CORO6: variants seen among roughly 807,000 people sequenced by gnomAD.
The protein encoded by CORO6 is coronin 6.
Under a neutral mutation model 49.0 loss-of-function variants are expected in CORO6, and 43 were observed. The ratio of observed to expected loss-of-function variants is 0.88; its 90% CI spans 0.69 to 1.13. The LOEUF is 1.13. Among genes scored for constraint, CORO6 ranks in the 50% most tolerant of loss-of-function variants. The pLI is 0.00. For missense variants in CORO6, 650 were observed against 647.0 expected (o/e 1.00, Z -0.05); for synonymous variants, 233 against 256.5 (o/e 0.91, Z 0.88).
In CORO6 at chr17:29,619,739, G is replaced by A. The variant is rs1346034731; in HGVS notation, c.233C>T (p.Thr78Ile). 11 of 1,613,120 alleles carry A rather than the reference G, an allele frequency of 6.8e-6. No individual in the cohort carries two copies. In the African/African-American group the frequency reaches 1.3e-4, roughly 20 times the overall value. The change falls in exon 3 of 11, where the codon ACT becomes ATT. Residue 78 changes from threonine (T) to isoleucine (I), a missense_variant. Transcript: ENST00000388767. ...GRVDKNYPLV[T>I]GHTAPVLDID... ...ATCCAGCACAGGGGCAGTGTGCCCA[G>A]TGACCAGTGGGTAGTTCTTATCCAC...
In CORO6 at chr17:29,616,176, C is replaced by T; in HGVS notation, c.1063-1G>A. The T allele has an allele frequency of 6.2e-7, 1 of 1,612,460 alleles. No homozygotes were observed. Among genetic ancestry groups the T allele is most frequent in the Non-Finnish European group, 8.5e-7 (1 of 1,179,028 alleles). ...ACAGATCGTCCTGGAAGAGGTCTGACTGCGGGGGTGGGTGGACAGGAGGAC... is the reference window on the plus strand; with the variant it reads ...ACAGATCGTCCTGGAAGAGGTCTGATTGCGGGGGTGGGTGGACAGGAGGAC... On this transcript the variant is annotated splice_acceptor_variant, in intron 9 of 10. Coordinates refer to ENST00000388767, the MANE Select transcript of CORO6 (RefSeq NM_032854.4). LOFTEE classifies it high-confidence loss of function. This position sits in a 1 kb window ranked among gnomAD's most constrained non-coding sequence, Gnocchi z 5.6.
chr17:29,616,554 G>T lies in CORO6; in HGVS notation c.1004+148C>A, dbSNP rs1317062681. On this transcript the variant is annotated intron_variant, in intron 8 of 10. Transcript: ENST00000388767. The surrounding 1 kb of genome is among the most constrained non-coding windows in gnomAD (Gnocchi z 5.6). ...AGTTGAGAATGTAAGGCTAGTGAGC[G>T]GTGGGTCTGGCACTGAAACAGAGCT... is the stretch of plus-strand genomic sequence containing the variant. 1.9e-6 allele frequency: 2 copies of T among 1,057,228 alleles called. No individual in the cohort carries two copies. The highest frequency in any genetic ancestry group is 2.8e-6 in the Non-Finnish European group (2 of 722,710). The allele number at this position is 1,057,228 out of a possible 1,614,324, so 65.5% of individuals were successfully genotyped here.
chr17:29,622,629 T>C, intron 1 of CORO6, 59 bp downstream of exon 1: 5 of 1,057,744 alleles, frequency 4.7e-6, no homozygotes, highest in Non-Finnish European at 6.0e-6. Context: ...CCTCTGCCCC[T>C]CAGGGACCCC....
chr17:29,619,067 G>A lies in CORO6; in HGVS notation c.444C>T (p.Leu148=), dbSNP rs1427104923. 6.8e-6 allele frequency: 11 copies of A among 1,613,358 alleles called. No homozygotes were observed. Among genetic ancestry groups the A allele is most frequent in the Non-Finnish European group, 9.3e-6 (11 of 1,179,818 alleles). The change falls in exon 4 of 11, where the codon CTC becomes CTT. Residue 148 remains leucine, a synonymous_variant. Coordinates refer to ENST00000388767, the MANE Select transcript of CORO6 (RefSeq NM_032854.4). ...SWHPTARNVL[L]SAGGDNVIII... is the part of the protein sequence containing the mutation. ...CCTCCTTAGCCCCCAGACCTGCACT[G>A]AGCAGGACATTCCTGGCAGTAGGGT...
At position 29,621,354 on chromosome 17, in the gene CORO6, T is replaced by C. The variant is rs755199216; in HGVS notation, c.68A>G (p.Gln23Arg). 4.3e-6 allele frequency: 7 copies of C among 1,614,198 alleles called. No individual in the cohort carries two copies. The highest frequency in any genetic ancestry group is 5.9e-6 in the Non-Finnish European group (7 of 1,180,024). Reference sequence around the variant, plus strand: ...GGACACACGGATGTCCTCGTAGGCCTGGTCGGCCTTTGCTGCCTGCCCAAA... The same window carrying C: ...GGACACACGGATGTCCTCGTAGGCCCGGTCGGCCTTTGCTGCCTGCCCAAA... Reference protein sequence around the residue: ...HVFGQAAKADQAYEDIRVSKV... With the variant: ...HVFGQAAKADRAYEDIRVSKV... The change falls in exon 2 of 11, where the codon CAG becomes CGG. Residue 23 changes from glutamine to arginine, a missense_variant. Gln to Arg is a conservative substitution (Grantham distance 43). Transcript: ENST00000388767. This position sits in a 1 kb window ranked among gnomAD's most constrained non-coding sequence, Gnocchi z 4.2.
At chr17:29,622,577 G>T in intron 1 of CORO6, 111 bp downstream of exon 1, 1 of 547,966 alleles carries the variant, frequency 1.8e-6, no homozygotes, top group Non-Finnish European at 2.6e-6. Flanking sequence ...CGTCCTCCCC[G>T]CCCGAAACCG....
chr17:29,616,973 C>A lies in CORO6; in HGVS notation c.823G>T (p.Asp275Tyr), dbSNP rs1298470229. The change falls in exon 7 of 11, where the codon GAT becomes TAT. Residue 275 changes from aspartate (D) to tyrosine (Y), a missense_variant. Physicochemically the swap from Asp to Tyr is radical, Grantham distance 160. Coordinates refer to ENST00000388767, the MANE Select transcript of CORO6 (RefSeq NM_032854.4). The surrounding 1 kb of genome is among the most constrained non-coding windows in gnomAD (Gnocchi z 5.6). Reference sequence around the variant, plus strand: ...AGGTAGACGATGCTGGAGTCGGGATCGTAAAAGGGCAATAGGACCCCGTTG... The same window carrying A: ...AGGTAGACGATGCTGGAGTCGGGATAGTAAAAGGGCAATAGGACCCCGTTG... Reference protein sequence around the residue: ...TSNGVLLPFYDPDSSIVYLCG... With the variant: ...TSNGVLLPFYYPDSSIVYLCG... 19 of 1,613,658 alleles carry A rather than the reference C, an allele frequency of 1.2e-5. No homozygotes were observed. Among genetic ancestry groups the A allele is most frequent in the Non-Finnish European group, 1.6e-5 (19 of 1,180,030 alleles).
chr17:29,621,208 T>C lies in CORO6; in HGVS notation c.198+16A>G. 6.2e-7 allele frequency: 1 copy of C among 1,613,816 alleles called. No homozygotes were observed. The highest frequency in any genetic ancestry group is 8.5e-7 in the Non-Finnish European group (1 of 1,179,944). On this transcript the variant is annotated intron_variant, in intron 2 of 10. Coordinates refer to ENST00000388767, the MANE Select transcript of CORO6 (RefSeq NM_032854.4). This position sits in a 1 kb window ranked among gnomAD's most constrained non-coding sequence, Gnocchi z 4.2. ...GCTAGTGTCCTCCCACTTGCTTCCT[T>C]TCCCTGATCCCTCACCTTGGCCAGA...
At chr17:29,617,304 G>A (rs2035019115) in intron 6 of CORO6, 196 bp downstream of exon 6, 1 of 1,527,530 alleles carries the variant, frequency 6.5e-7, no homozygotes. Context: ...ACCAGGTGGG[G>A]GCGCCAGCGC....
chr17:29,617,207 C>A lies in CORO6; in HGVS notation c.754-165G>T, dbSNP rs1456545524. 3 of 1,538,148 alleles carry A rather than the reference C, an allele frequency of 2.0e-6. No homozygotes were observed. In the Admixed American group the frequency reaches 5.9e-5, roughly 30 times the overall value. On this transcript the variant is annotated intron_variant, in intron 6 of 10. Coordinates refer to ENST00000388767, the MANE Select transcript of CORO6 (RefSeq NM_032854.4). ...CCCTGGGCACATCTCTCCTCCTCCCCTGCGCACATAGCTCCTCCTCCCCTG... is the reference window on the plus strand; with the variant it reads ...CCCTGGGCACATCTCTCCTCCTCCCATGCGCACATAGCTCCTCCTCCCCTG...
chr17:29,617,644 G>A (rs1418355457), intron 5 of CORO6, 25 bp from the exon 6 acceptor site: 2 of 1,568,840 alleles, frequency 1.3e-6, no homozygotes, highest in South Asian at 1.2e-5. Flanking sequence ...AGACAGGGAG[G>A]GACATCACCC....
At position 29,616,387 on chromosome 17, in the gene CORO6, TCTC is replaced by T. The variant is rs758712172; in HGVS notation, c.1005-54_1005-52del. On this transcript the variant is annotated intron_variant, in intron 8 of 10. Transcript: ENST00000388767. The surrounding 1 kb of genome is among the most constrained non-coding windows in gnomAD (Gnocchi z 5.6). The stretch of plus-strand genomic sequence containing the variant: ...CTCGCAGACTTCCACGTCCTTAACT[TCTC>T]CTGTCTAAGACCAAGGGGGTTGGAG... The T allele has an allele frequency of 1.9e-6, 3 of 1,548,914 alleles. No homozygotes were observed. The highest frequency in any genetic ancestry group is 2.3e-5 in the South Asian group (2 of 85,698).
At position 29,616,592 on chromosome 17, in the gene CORO6, C is replaced by T. The variant is rs1279332391; in HGVS notation, c.1004+110G>A. 34 of 1,428,520 alleles carry T rather than the reference C, an allele frequency of 2.4e-5. No individual in the cohort carries two copies. In the East Asian group the frequency reaches 6.4e-4, roughly 27 times the overall value. 88.5% of individuals were successfully genotyped at this position (1,428,520 alleles called of 1,614,324 possible). On this transcript the variant is annotated intron_variant, in intron 8 of 10. Transcript: ENST00000388767. The surrounding 1 kb of genome is among the most constrained non-coding windows in gnomAD (Gnocchi z 5.6). ...CTGAAACAGAGCTGTCTTATCCCCCCGCCCCGCTTTTCCAAAGCACTGCAT... is the reference window on the plus strand; with the variant it reads ...CTGAAACAGAGCTGTCTTATCCCCCTGCCCCGCTTTTCCAAAGCACTGCAT...
rs531226256 is a variant in CORO6, at chr17:29,615,738, C to T, written c.1413G>A (p.Thr471=). The T allele has an allele frequency of 6.5e-7, 1 of 1,543,994 alleles. No homozygotes were observed. Among genetic ancestry groups the T allele is most frequent in the African/African-American group, 1.4e-5 (1 of 72,966 alleles). ...GCCTGCCTGGCGCGCGGGGCTAGTC[C>T]GTGCCGTCCACCAGCTCGCACAGCA... ...ENMLCELVDG[T]D Residue 471 remains threonine, a synonymous_variant, in exon 11 of 11, where the codon ACG becomes ACA. Coordinates refer to ENST00000388767, the MANE Select transcript of CORO6 (RefSeq NM_032854.4).
chr17:29,618,551 T>A, intron 5 of CORO6: 3 of 1,373,336 alleles, frequency 2.2e-6, no homozygotes, highest in Non-Finnish European at 2.8e-6. Context: ...AGCCCTTCTC[T>A]GAGCTTCTGA....
Position 29,616,651 on chromosome 17 carries a change from G to A in CORO6, c.1004+51C>T, listed in dbSNP as rs904173633. On this transcript the variant is annotated intron_variant, in intron 8 of 10. Coordinates refer to ENST00000388767, the MANE Select transcript of CORO6 (RefSeq NM_032854.4). This position sits in a 1 kb window ranked among gnomAD's most constrained non-coding sequence, Gnocchi z 5.6. ...AAGCCCCGTGGCTAGGACCCGACAT[G>A]AGTGGGGGACAGAGGCGGGTAGGTG... The A allele has an allele frequency of 1.3e-6, 2 of 1,594,558 alleles. No individual in the cohort carries two copies. Among genetic ancestry groups the A allele is most frequent in the East Asian group, 2.3e-5 (1 of 44,384 alleles).
Position 29,622,600 on chromosome 17 carries a change from C to CG in CORO6, c.-64+87dup, listed in dbSNP as rs1182947957. 5 of 753,342 alleles carry CG rather than the reference C, an allele frequency of 6.6e-6. No individual in the cohort carries two copies. In the East Asian group the frequency reaches 3.6e-4, roughly 55 times the overall value. 46.7% of individuals were successfully genotyped at this position (753,342 alleles called of 1,614,324 possible). A position where few individuals can be genotyped will look rare whatever the true frequency, so the allele number is the denominator to read the frequency against. Reference sequence around the variant, plus strand: ...CCGCCCGAAACCGAATTTGGCGGCGCGGGGGGAGGAGGCGCAGACCTCTGC... The same window carrying CG: ...CCGCCCGAAACCGAATTTGGCGGCGCGGGGGGGAGGAGGCGCAGACCTCTGC... On this transcript the variant is annotated intron_variant, in intron 1 of 10. Coordinates refer to ENST00000388767, the MANE Select transcript of CORO6 (RefSeq NM_032854.4).
chr17:29,617,485 C>A lies in CORO6; in HGVS notation c.753+15G>T. 6.2e-7 allele frequency: 1 copy of A among 1,602,320 alleles called. No individual in the cohort carries two copies. Among genetic ancestry groups the A allele is most frequent in the Non-Finnish European group, 8.5e-7 (1 of 1,176,670 alleles). On this transcript the variant is annotated intron_variant, in intron 6 of 10. Coordinates refer to ENST00000388767, the MANE Select transcript of CORO6 (RefSeq NM_032854.4). ...AGTCCCCGAGGCACACACCCCAAGC[C>A]TCCAGCTGCGTTACCGGGTCCCACA...
chr17:29,618,786 T>G lies in CORO6; in HGVS notation c.633+4A>C, dbSNP rs1246627441. On this transcript the variant is annotated splice_donor_region_variant and intron_variant, in intron 5 of 10. Transcript: ENST00000388767. ...TCTGGGGAGTGGCCAGGCCAGGCAC[T>G]CACCGCCACCACTTGGCCTTTTCTG... 6.2e-7 allele frequency: 1 copy of G among 1,612,850 alleles called. No individual in the cohort carries two copies. The highest frequency in any genetic ancestry group is 8.5e-7 in the Non-Finnish European group (1 of 1,179,682).
Sources: gnomAD v4.1 joint callset for allele counts on GRCh38, gnomAD v4.1.1 for gene constraint, Gnocchi (gnomAD v3.1) non-coding constraint, MANE v1.5 for transcripts, NCBI Gene and HGNC (gene_info 2026-07-23, HGNC 2026-07-21) for gene names.